ERC2: variants seen among roughly 807,000 people sequenced by gnomAD.
ERC2 encodes ERC protein 2.
A neutral mutation model predicts 114.8 loss-of-function variants in ERC2; 42 were observed. The ratio of observed to expected loss-of-function variants is 0.37; its 90% confidence interval spans 0.29 to 0.47. ERC2 has a LOEUF of 0.47. Ranked by LOEUF, ERC2 falls within the 20% of genes least tolerant of loss-of-function variation. ERC2 has a pLI of 0.99. For synonymous variants in ERC2, 454 were observed against 425.5 expected, an observed-to-expected ratio of 1.07 and a Z score of -0.82; for missense variants, 939 against 1,150.7, an observed-to-expected ratio of 0.82 and a Z score of 2.66.
chr3:56,370,786 G>T (rs1205780762), intron 2 of ERC2, among the ~76,000 whole-genome samples: 1 of 151,918 alleles, frequency 6.6e-6, no homozygotes, highest in African/African-American at 2.4e-5. Flanking sequence ...GTAGAGAAGG[G>T]GTTTCACCAT....
At chr3:55,828,144 C>T (rs2060410059) in intron 14 of ERC2, among the ~76,000 whole-genome samples, 1 of 152,232 alleles carries the variant, frequency 6.6e-6, no homozygotes. Context: ...GGGAAAGCTG[C>T]ACAATGGCAG....
At chr3:56,176,080 T>C (rs1361007370) in intron 3 of ERC2, among the ~76,000 whole-genome samples, 7 of 152,212 alleles carry the variant, frequency 4.6e-5, no homozygotes, top group Admixed American at 6.5e-5. Context: ...TAAAAACTCA[T>C]GGACAAGAAA....
chr3:55,577,529 T>G (rs932463922), intron 17 of ERC2, among the ~76,000 whole-genome samples: 1 of 152,190 alleles, frequency 6.6e-6, no homozygotes, highest in African/African-American at 2.4e-5. Context: ...CCATAAACAC[T>G]GGATCACAGC....
chr3:56,203,375 A>G (rs1027785797), intron 3 of ERC2, among the ~76,000 whole-genome samples: 2 of 152,216 alleles, frequency 1.3e-5, no homozygotes, highest in Non-Finnish European at 2.9e-5. Context: ...TTGGCTTAAA[A>G]GGGGTACAAT....
At chr3:56,200,694 T>A (rs1269828492) in intron 3 of ERC2, among the ~76,000 whole-genome samples, 2 of 152,186 alleles carry the variant, frequency 1.3e-5, no homozygotes, top group African/African-American at 4.8e-5. Flanking sequence ...AAAGGGGGAA[T>A]TGCAAAGACT....
At position 55,948,752 on chromosome 3, in the gene ERC2, G is replaced by A. The variant is rs2067292800; in HGVS notation, c.2403+1673C>T. On this transcript the variant is annotated intron_variant, in intron 13 of 17. Transcript: ENST00000288221. ...ATTTCCATAACTATATGTGTCCTCA[G>A]AAAAGAAGAAATTACTATATATAGA... is the stretch of plus-strand genomic sequence containing the variant. Among the ~76,000 whole-genome samples the A allele has an allele frequency of 2.0e-5, 3 of 152,124 alleles. No homozygotes were observed. In the South Asian group the frequency reaches 6.2e-4, roughly 32 times the overall value.
chr3:55,748,130 C>T (rs1003330550), intron 14 of ERC2, among the ~76,000 whole-genome samples: 4 of 152,208 alleles, frequency 2.6e-5, no homozygotes, highest in Admixed American at 2.6e-4. Context: ...CTCAGATTTA[C>T]AGGATGGGTG....
chr3:55,944,322 A>G (rs1559910090), intron 13 of ERC2, among the ~76,000 whole-genome samples: 1 of 152,112 alleles, frequency 6.6e-6, no homozygotes, highest in Non-Finnish European at 1.5e-5. Flanking sequence ...AATGAACCCC[A>G]CTCTGTCTTC....
chr3:55,830,632 T>C (rs967675691), intron 14 of ERC2, among the ~76,000 whole-genome samples: 6 of 152,110 alleles, frequency 3.9e-5, no homozygotes, highest in African/African-American at 1.2e-4. Flanking sequence ...TGTATAGTAA[T>C]CTCTAAAATA....
intron 2 of ERC2, among the ~76,000 whole-genome samples, chr3:56,429,314 A>G (rs2061696884): frequency 1.3e-5 from 2 of 152,180 alleles, no homozygotes; most frequent in Non-Finnish European, 2.9e-5. Context: ...ACTAAAAATA[A>G]TAAGGGGCTA....
intron 6 of ERC2, among the ~76,000 whole-genome samples, chr3:56,089,357 A>T (rs916204973): frequency 8.5e-5 from 13 of 152,210 alleles, no homozygotes; most frequent in African/African-American, 3.1e-4. Context: ...AGGCATGTCC[A>T]GTCTTCCAAG....
chr3:56,442,352 C>A (rs1351895189), intron 1 of ERC2, among the ~76,000 whole-genome samples: 13 of 152,142 alleles, frequency 8.5e-5, no homozygotes, highest in Admixed American at 8.5e-4. Context: ...TCCTGAGCAG[C>A]TGGACCACAA....
intron 10 of ERC2, among the ~76,000 whole-genome samples, chr3:55,997,965 A>G (rs1467932431): frequency 2.7e-4 from 26 of 96,184 alleles, no homozygotes; most frequent in Non-Finnish European, 4.3e-4. Context: ...GGGGTTTGCT[A>G]TGTTGCCCAG....
intron 4 of ERC2, among the ~76,000 whole-genome samples, chr3:56,152,098 G>A (rs1276669262): frequency 6.6e-6 from 1 of 152,142 alleles, no homozygotes; most frequent in African/African-American, 2.4e-5. Flanking sequence ...ATATAATGTA[G>A]AGTAGCTTTT....
intron 2 of ERC2, among the ~76,000 whole-genome samples, chr3:56,313,151 G>C (rs1383761976): frequency 6.7e-6 from 1 of 149,796 alleles, no homozygotes; most frequent in Non-Finnish European, 1.5e-5. Flanking sequence ...AAAAAAAAGA[G>C]AGGAAAATAT....
chr3:55,512,039 A>C (rs186795521), intron 17 of ERC2, among the ~76,000 whole-genome samples: 2 of 152,332 alleles, frequency 1.3e-5, no homozygotes, highest in East Asian at 3.9e-4. Flanking sequence ...GAGCTCAGCT[A>C]TCTGGGAAAT....
At chr3:55,701,193 A>C (rs182887773) in intron 15 of ERC2, among the ~76,000 whole-genome samples, 21 of 152,344 alleles carry the variant, frequency 1.4e-4, no homozygotes, top group African/African-American at 4.8e-4. Context: ...TATTTTTCAC[A>C]TACAATCTAA....
At chr3:56,200,349 A>AG (rs2048342151) in intron 3 of ERC2, among the ~76,000 whole-genome samples, 1 of 21,522 alleles carries the variant, frequency 4.6e-5, no homozygotes, top group Non-Finnish European at 1.1e-4. Context: ...TACTCAGGGG[A>AG]AAAAAAAAAA....
intron 3 of ERC2, among the ~76,000 whole-genome samples, chr3:56,180,286 A>C (rs1439048129): frequency 1.3e-5 from 2 of 151,920 alleles, no homozygotes; most frequent in Non-Finnish European, 2.9e-5. Context: ...AGGAGAGAAA[A>C]CCCTCAGGTT....
Sources: gnomAD v4.1 joint callset for allele counts (sites outside exome capture counted in the v4.1 genomes callset) on GRCh38, gnomAD v4.1.1 for gene constraint, MANE v1.5 for transcripts, NCBI Gene and HGNC (gene_info 2026-07-23, HGNC 2026-07-21) for gene names.